Variants in RUFY3 observed in about 807,000 individuals in gnomAD.
The protein encoded by RUFY3 is protein RUFY3.
RUFY3 carries 34 observed loss-of-function variants against 84.0 expected under a neutral mutation model. The ratio of observed to expected loss-of-function variants is 0.40; its 90% CI spans 0.31 to 0.54. The LOEUF (loss-of-function observed/expected upper bound fraction) is 0.54. RUFY3 is among the 20% of genes least tolerant of loss of function. The pLI is 0.39. For missense variants in RUFY3, 507 were observed against 736.8 expected, an observed-to-expected ratio of 0.69 and a Z score of 3.61; for synonymous variants, 242 against 252.9, an observed-to-expected ratio of 0.96 and a Z score of 0.41.
intron 8 of RUFY3, among the ~76,000 whole-genome samples, chr4:70,782,109 G>C (rs1729018308): frequency 6.6e-6 from 1 of 151,982 alleles, no homozygotes; most frequent in South Asian, 2.1e-4. Flanking sequence ...AGATCTTATA[G>C]AGCGTTTGTC....
chr4:70,791,126 T>A, intron 12 of RUFY3: 1 of 867,886 alleles, frequency 1.2e-6, no homozygotes, highest in South Asian at 1.6e-5. Flanking sequence ...CTTATCTCTT[T>A]GAGTATTAAG....
At chr4:70,762,916 A>G (rs540716524) in intron 2 of RUFY3, among the ~76,000 whole-genome samples, 1 of 152,332 alleles carries the variant, frequency 6.6e-6, no homozygotes, top group African/African-American at 2.4e-5. Flanking sequence ...AGGGGCCATT[A>G]TAAGTAATCA....
At position 70,804,932 on chromosome 4, in the gene RUFY3, GTAAA is replaced by G. The variant is rs1476741560; in HGVS notation, c.1719+525_1719+528del. Among the ~76,000 whole-genome samples the G allele has an allele frequency of 7.2e-5, 11 of 152,062 alleles. No individual in the cohort carries two copies. In the East Asian group the frequency reaches 1.4e-3, roughly 19 times the overall value. The stretch of plus-strand genomic sequence containing the variant: ...AGAGCGAGACTCTGTCTAAAAATAA[GTAAA>G]TAAATAAACAAACAAAAATAATTAT... On this transcript the variant is annotated intron_variant, in intron 17 of 17. Coordinates refer to ENST00000381006, the MANE Select transcript of RUFY3 (RefSeq NM_001037442.4).
At chr4:70,707,569 G>GT (rs1010680914) in intron 1 of RUFY3, among the ~76,000 whole-genome samples, 3 of 152,026 alleles carry the variant, frequency 2.0e-5, no homozygotes, top group African/African-American at 4.8e-5. Flanking sequence ...TTGTTACCAC[G>GT]TAAGTTCTAA....
intron 1 of RUFY3, among the ~76,000 whole-genome samples, chr4:70,728,265 G>T (rs755581085): frequency 2.0e-5 from 3 of 152,218 alleles, no homozygotes. Context: ...ACCCTGTAGC[G>T]TATTGGTTGT....
chr4:70,806,521 G>A lies in RUFY3; in HGVS notation c.1725G>A (p.Val575=). 1 of 1,614,110 alleles carries A rather than the reference G, an allele frequency of 6.2e-7. No individual in the cohort carries two copies. Among genetic ancestry groups the A allele is most frequent in the Non-Finnish European group, 8.5e-7 (1 of 1,179,978 alleles). ...CQEDGSLTKN[V]CKNCSGTFCD... ...CTAACCTCCTCTTCTCATAGAATGT[G>A]TGTAAGAACTGCAGCGGAACCTTCT... Residue 575 remains valine (V), a synonymous_variant, in exon 18 of 18, where the codon GTG becomes GTA. Coordinates refer to ENST00000381006, the MANE Select transcript of RUFY3 (RefSeq NM_001037442.4).
intron 1 of RUFY3, among the ~76,000 whole-genome samples, chr4:70,731,797 G>A (rs1458441999): frequency 6.6e-6 from 1 of 152,062 alleles, no homozygotes; most frequent in Non-Finnish European, 1.5e-5. Flanking sequence ...TGAACTCTTG[G>A]GCTCAAGCGA....
chr4:70,788,185 T>A, intron 10 of RUFY3, among the ~76,000 whole-genome samples: 1 of 151,524 alleles, frequency 6.6e-6, no homozygotes, highest in East Asian at 1.9e-4. Flanking sequence ...CTCAGGAGGC[T>A]GAGGCAGGAG....
chr4:70,723,523 C>T (rs77881120), intron 1 of RUFY3, among the ~76,000 whole-genome samples: 2,100 of 151,756 alleles, frequency 0.014, 62 homozygotes, highest in African/African-American at 0.048. Context: ...TCTTGACTTG[C>T]GACTTTTTTC....
At chr4:70,791,625 A>G in intron 12 of RUFY3, 1 of 1,086,228 alleles carries the variant, frequency 9.2e-7, no homozygotes, top group Non-Finnish European at 1.1e-6. Flanking sequence ...ACATATACTA[A>G]TGATGCCTTT....
intron 1 of RUFY3, among the ~76,000 whole-genome samples, chr4:70,726,389 T>G (rs1428970693): frequency 6.6e-6 from 1 of 152,126 alleles, no homozygotes; most frequent in Non-Finnish European, 1.5e-5. Flanking sequence ...TTTGAGACAG[T>G]TTCGCTCTTA....
At chr4:70,718,428 C>T (rs1045878851), upstream of RUFY3, among the ~76,000 whole-genome samples, 1 of 152,084 alleles carries the variant, frequency 6.6e-6, no homozygotes, top group African/African-American at 2.4e-5. Context: ...GCAGCTAGAA[C>T]GTAGTATTTT....
intron 1 of RUFY3, among the ~76,000 whole-genome samples, chr4:70,740,036 G>A (rs1270423674): frequency 6.6e-6 from 1 of 150,732 alleles, no homozygotes; most frequent in African/African-American, 2.4e-5. Flanking sequence ...ACCTGTTTCA[G>A]GTCTAAGAAT....
chr4:70,713,034 C>CTT (rs1197979692), intron 1 of RUFY3, among the ~76,000 whole-genome samples: 2 of 151,932 alleles, frequency 1.3e-5, no homozygotes, highest in African/African-American at 4.8e-5. Context: ...GTTTTGTTTG[C>CTT]TTTTTTGAGA....
At chr4:70,705,127 C>T (rs1307990221) in exon 1 of RUFY3, 5 of 1,439,986 alleles carry the variant, frequency 3.5e-6, no homozygotes, top group Non-Finnish European at 4.5e-6. Flanking sequence ...GTGGCCGCCC[C>T]CTTCTTCCTG....
intron 1 of RUFY3, among the ~76,000 whole-genome samples, chr4:70,748,846 A>G (rs1722649351): frequency 3.3e-5 from 5 of 152,174 alleles, no homozygotes; most frequent in Admixed American, 3.3e-4. Flanking sequence ...ATGGCCCAGG[A>G]AAGAGTGGTC....
chr4:70,775,692 T>C (rs1212747979), intron 7 of RUFY3, among the ~76,000 whole-genome samples: 4 of 152,036 alleles, frequency 2.6e-5, no homozygotes, highest in Non-Finnish European at 5.9e-5. Context: ...AAGCCTGTAG[T>C]CCCAACACTT....
chr4:70,775,065 AT>A, intron 6 of RUFY3, 102 bp from the exon 7 acceptor site: 3 of 694,932 alleles, frequency 4.3e-6, no homozygotes, highest in Non-Finnish European at 2.3e-6. Context: ...CTGTGCCACA[AT>A]TTTTTTCTCA....
intron 1 of RUFY3, among the ~76,000 whole-genome samples, chr4:70,705,629 C>G (rs1355869289): frequency 6.6e-6 from 1 of 152,150 alleles, no homozygotes; most frequent in African/African-American, 2.4e-5. Context: ...GGCCTGCCTG[C>G]CCCCCTCCAC....
Sources: gnomAD v4.1 joint callset for allele counts (sites outside exome capture counted in the v4.1 genomes callset) on GRCh38, gnomAD v4.1.1 for gene constraint, MANE v1.5 for transcripts, NCBI Gene and HGNC (gene_info 2026-07-23, HGNC 2026-07-21) for gene names.